Variants in SLC36A1 observed in about 807,000 individuals in gnomAD.
SLC36A1 encodes the protein solute carrier family 36 member 1, also known as proton-coupled amino acid transporter 1.
SLC36A1 carries 30 observed loss-of-function variants against 47.5 expected under a neutral mutation model. The observed-to-expected ratio is 0.63, with a 90% CI of 0.47 to 0.86. SLC36A1 has a LOEUF of 0.86. SLC36A1 is among the 40% of genes least tolerant of loss of function. The pLI, the probability that SLC36A1 is intolerant of heterozygous loss-of-function variation, is 0.00. For synonymous variants in SLC36A1, 255 were observed against 249.7 expected, an observed-to-expected ratio of 1.02 and a Z score of -0.20; for missense variants, 517 against 606.0, an observed-to-expected ratio of 0.85 and a Z score of 1.54.
the SLC36A1 span, among the ~76,000 whole-genome samples, chr5:151,403,453 T>C: frequency 1.3e-5 from 2 of 152,132 alleles, no homozygotes; most frequent in Non-Finnish European, 2.9e-5. Context: ...TCTTGTCATT[T>C]AAAAGCGTGT....
At chr5:151,349,425 C>T in the SLC36A1 span, among the ~76,000 whole-genome samples, 11 of 152,212 alleles carry the variant, frequency 7.2e-5, 1 homozygote, top group South Asian at 8.3e-4. Flanking sequence ...CCTTCCAACA[C>T]GAGTGGCCCA....
downstream of SLC36A1, among the ~76,000 whole-genome samples, chr5:151,496,249 G>A (rs1014364547): frequency 6.6e-6 from 1 of 152,150 alleles, no homozygotes; most frequent in Non-Finnish European, 1.5e-5. Flanking sequence ...ACCGCCATCC[G>A]CTTAAGATGT....
chr5:151,393,080 G>A, the SLC36A1 span, among the ~76,000 whole-genome samples: 11 of 151,526 alleles, frequency 7.3e-5, 1 homozygote, highest in Non-Finnish European at 1.6e-4. Context: ...ATGAATCTGG[G>A]TGCTCCTGTA....
rs1007162618 is a variant in SLC36A1, at chr5:151,490,881, T to C, written c.*2627T>C. On this transcript the variant is annotated 3_prime_UTR_variant, in exon 11 of 11. Coordinates refer to ENST00000243389, the MANE Select transcript of SLC36A1 (RefSeq NM_078483.4). ...CTCGCAGCCAGCCCAGAATCTCTTATGCAGCCCAAAGGGCTTCTTGAGGTA... is the reference window on the plus strand; with the variant it reads ...CTCGCAGCCAGCCCAGAATCTCTTACGCAGCCCAAAGGGCTTCTTGAGGTA... The C allele has an allele frequency of 6.6e-6, 1 of 152,414 alleles. No individual in the cohort carries two copies. Among genetic ancestry groups the C allele is most frequent in the Non-Finnish European group, 1.5e-5 (1 of 68,218 alleles). The allele number at this position is 152,414 out of a possible 1,614,324, so 9.4% of individuals were successfully genotyped here.
At chr5:151,481,760 G>A (rs955910856) in intron 10 of SLC36A1, among the ~76,000 whole-genome samples, 1 of 151,996 alleles carries the variant, frequency 6.6e-6, no homozygotes, top group African/African-American at 2.4e-5. Flanking sequence ...AGAGGGGGAG[G>A]GAAAACAAGT....
At chr5:151,395,593 A>C in the SLC36A1 span, among the ~76,000 whole-genome samples, 1 of 152,072 alleles carries the variant, frequency 6.6e-6, no homozygotes, top group South Asian at 2.1e-4. Context: ...CATCCATGTC[A>C]CAGAGACTCT....
the SLC36A1 span, among the ~76,000 whole-genome samples, chr5:151,349,643 A>G: frequency 2.6e-5 from 4 of 152,166 alleles, no homozygotes; most frequent in African/African-American, 9.7e-5. Flanking sequence ...TGGGTGGGGC[A>G]GGCAACTGGT....
the SLC36A1 span, among the ~76,000 whole-genome samples, chr5:151,536,144 G>A: frequency 1.3e-5 from 2 of 152,020 alleles, no homozygotes; most frequent in Non-Finnish European, 2.9e-5. Flanking sequence ...TTATCATGCA[G>A]ATGTTCCAGT....
chr5:151,361,757 G>T, the SLC36A1 span, among the ~76,000 whole-genome samples: 1 of 152,146 alleles, frequency 6.6e-6, no homozygotes, highest in Non-Finnish European at 1.5e-5. Flanking sequence ...TTTCTTATAA[G>T]ATGGGTCTGG....
chr5:151,455,087 A>G (rs1453079586), intron 1 of SLC36A1, among the ~76,000 whole-genome samples: 1 of 152,116 alleles, frequency 6.6e-6, no homozygotes, highest in African/African-American at 2.4e-5. Flanking sequence ...TTATCTGGCA[A>G]TTCTGAGTTG....
At chr5:151,495,621 C>G (rs1760316441), downstream of SLC36A1, among the ~76,000 whole-genome samples, 3 of 152,080 alleles carry the variant, frequency 2.0e-5, no homozygotes, top group Admixed American at 2.0e-4. Flanking sequence ...CCTAACTGTA[C>G]CGTCACCTCA....
chr5:151,450,450 A>G (rs1486930531), intron 1 of SLC36A1, among the ~76,000 whole-genome samples: 1 of 145,440 alleles, frequency 6.9e-6, no homozygotes, highest in Non-Finnish European at 1.5e-5. Context: ...ACTAGCATGT[A>G]GAGTGGATGG....
At chr5:151,367,375 C>T in the SLC36A1 span, among the ~76,000 whole-genome samples, 10 of 42,496 alleles carry the variant, frequency 2.4e-4, no homozygotes, top group East Asian at 6.3e-4. Flanking sequence ...TTTTTTTTTT[C>T]CCCAGGGTAT....
chr5:151,388,023 C>A, the SLC36A1 span, among the ~76,000 whole-genome samples: 3 of 152,196 alleles, frequency 2.0e-5, no homozygotes, highest in African/African-American at 7.2e-5. Flanking sequence ...TGAAATAGCC[C>A]TGCAAAGTTG....
intron 1 of SLC36A1, among the ~76,000 whole-genome samples, chr5:151,449,022 G>A (rs1198111632): frequency 6.6e-6 from 1 of 152,154 alleles, no homozygotes; most frequent in Non-Finnish European, 1.5e-5. Context: ...AAAGTATTGC[G>A]ATTACAGGGG....
chr5:151,529,420 A>T, the SLC36A1 span: 1 of 1,606,390 alleles, frequency 6.2e-7, no homozygotes, highest in African/African-American at 1.3e-5. Flanking sequence ...GACAGCAGCA[A>T]TGAGGCAGTT....
At chr5:151,443,650 G>T (rs933159865), upstream of SLC36A1, among the ~76,000 whole-genome samples, 1 of 152,118 alleles carries the variant, frequency 6.6e-6, no homozygotes, top group Non-Finnish European at 1.5e-5. Flanking sequence ...CCTTTGCTGT[G>T]CAGAAGCTTC....
chr5:151,542,470 A>G, the SLC36A1 span: 1 of 1,614,228 alleles, frequency 6.2e-7, no homozygotes, highest in Non-Finnish European at 8.5e-7. Flanking sequence ...CTGAGAGGAT[A>G]GCTGGATGGT....
chr5:151,485,731 C>T (rs1053859159), intron 10 of SLC36A1, among the ~76,000 whole-genome samples: 3 of 152,158 alleles, frequency 2.0e-5, no homozygotes, highest in Non-Finnish European at 4.4e-5. Flanking sequence ...GGCAGATTCA[C>T]CTCCACTAGT....
Sources: gnomAD v4.1 joint callset for allele counts (sites outside exome capture counted in the v4.1 genomes callset) on GRCh38, gnomAD v4.1.1 for gene constraint, MANE v1.5 for transcripts, NCBI Gene and HGNC (gene_info 2026-07-23, HGNC 2026-07-21) for gene names.